Variants in CSMD2 observed in about 807,000 individuals in gnomAD.
CSMD2 encodes CUB and sushi domain-containing protein 2.
In CSMD2, 130 loss-of-function variants were observed where a neutral mutation model predicts 398.5. The ratio of observed to expected loss-of-function variants is 0.33; its 90% CI spans 0.28 to 0.38. The LOEUF (loss-of-function observed/expected upper bound fraction) is 0.38. CSMD2 is among the 10% of genes least tolerant of loss of function. The probability of loss-of-function intolerance (pLI) is 1.00; values close to 1 mark genes in which losing one functional copy is unlikely to be tolerated. For synonymous variants in CSMD2, 1,828 were observed against 1,908.5 expected (o/e 0.96, Z 1.10); for missense variants, 3,829 against 4,764.9 (o/e 0.80, Z 5.78).
intron 1 of CSMD2, among the ~76,000 whole-genome samples, chr1:34,106,415 G>A (rs1660533166): frequency 6.6e-6 from 1 of 152,164 alleles, no homozygotes; most frequent in Non-Finnish European, 1.5e-5. Context: ...TACAGGTAAA[G>A]AAACTAAGGC....
intron 6 of CSMD2, among the ~76,000 whole-genome samples, chr1:33,836,257 G>A (rs1258306958): frequency 4.6e-5 from 7 of 152,202 alleles, no homozygotes; most frequent in African/African-American, 9.7e-5. Context: ...GCTGTGTGAG[G>A]TGTCAGTCTG....
chr1:33,804,943 G>A (rs1656051607), intron 10 of CSMD2: 1 of 714,942 alleles, frequency 1.4e-6, no homozygotes, highest in Non-Finnish European at 2.6e-6. Flanking sequence ...GGCTCCCTCA[G>A]CACTACCTGA....
chr1:34,071,702 G>T (rs1440339283), intron 2 of CSMD2, among the ~76,000 whole-genome samples: 6 of 152,192 alleles, frequency 3.9e-5, no homozygotes, highest in Non-Finnish European at 5.9e-5. Context: ...CTACACTGTG[G>T]AAAAGGAGCA....
chr1:33,533,375 C>T lies in CSMD2; in HGVS notation c.9992-146G>A. 1 of 730,920 alleles carries T rather than the reference C, an allele frequency of 1.4e-6. No individual in the cohort carries two copies. Among genetic ancestry groups the T allele is most frequent in the South Asian group, 1.8e-5 (1 of 56,118 alleles). 45.3% of individuals were successfully genotyped at this position (730,920 alleles called of 1,614,324 possible). ...CCAAGCATCCCCCTCCCTAATCCTC[C>T]ACCCTAACCCAAGCTCTGTGTCTAG... On this transcript the variant is annotated intron_variant, in intron 63 of 70. Coordinates refer to ENST00000373381, the MANE Select transcript of CSMD2 (RefSeq NM_001281956.2). The surrounding 1 kb of genome is among the most constrained non-coding windows in gnomAD (Gnocchi z 4.2).
rs565584983 is a variant in CSMD2, at chr1:33,993,326, T to C, written c.517+39268A>G. 2.2e-4 allele frequency among the ~76,000 whole-genome samples: 33 copies of C among 152,342 alleles called. No individual in the cohort carries two copies. In the South Asian group the frequency reaches 2.5e-3, roughly 11 times the overall value. ...ACATTTATTTTTATTATTTAAAAAC[T>C]TGGTTTACAGAACCACAACAGGTCA... On this transcript the variant is annotated intron_variant, in intron 3 of 70. Coordinates refer to ENST00000373381, the MANE Select transcript of CSMD2 (RefSeq NM_001281956.2).
At chr1:34,107,905 T>C (rs903974413) in intron 1 of CSMD2, among the ~76,000 whole-genome samples, 1 of 152,148 alleles carries the variant, frequency 6.6e-6, no homozygotes, top group African/African-American at 2.4e-5. Flanking sequence ...ACTCGGGAAA[T>C]AGGAGTGAAT....
At chr1:33,627,289 CA>C (rs1231195491) in intron 32 of CSMD2, among the ~76,000 whole-genome samples, 2 of 152,114 alleles carry the variant, frequency 1.3e-5, no homozygotes, top group African/African-American at 4.8e-5. Flanking sequence ...TAGCAGAAGA[CA>C]AAGGTATATC....
chr1:33,907,943 T>C (rs1643204687), intron 5 of CSMD2, among the ~76,000 whole-genome samples: 1 of 151,874 alleles, frequency 6.6e-6, no homozygotes, highest in African/African-American at 2.4e-5. Context: ...AAAAATTAGC[T>C]GGGCATGGTG....
At chr1:33,556,509 A>G (rs1657989280) in intron 55 of CSMD2, among the ~76,000 whole-genome samples, 1 of 152,068 alleles carries the variant, frequency 6.6e-6, no homozygotes, top group Admixed American at 6.5e-5. Context: ...GTGCATCTTC[A>G]CCTTTGCTTC....
At chr1:33,609,685 A>C (rs1570932626) in intron 41 of CSMD2, among the ~76,000 whole-genome samples, 1 of 152,324 alleles carries the variant, frequency 6.6e-6, no homozygotes, top group East Asian at 1.9e-4. Flanking sequence ...ACTTTAAAAA[A>C]CAAAATTGGA....
chr1:33,957,264 T>A (rs1490328221), intron 3 of CSMD2, among the ~76,000 whole-genome samples: 1 of 152,188 alleles, frequency 6.6e-6, no homozygotes, highest in African/African-American at 2.4e-5. Flanking sequence ...ATAGACCCAG[T>A]ACCTGGCAGA....
At chr1:33,714,052 A>C (rs2149167836) in intron 21 of CSMD2, among the ~76,000 whole-genome samples, 1 of 152,300 alleles carries the variant, frequency 6.6e-6, no homozygotes, top group South Asian at 2.1e-4. Context: ...GGTCATCTAT[A>C]AATGACCCCG....
chr1:34,097,963 C>T (rs1269150927), intron 1 of CSMD2, among the ~76,000 whole-genome samples: 4 of 133,772 alleles, frequency 3.0e-5, no homozygotes, highest in South Asian at 2.6e-4. Flanking sequence ...CGCATGCACA[C>T]GTATGTTTAT....
chr1:33,635,418 G>T lies in CSMD2; in HGVS notation c.4970-88C>A. ...CTGTTCTGCCCCAGCCTGAGCTTCTGGCCCCAGTAGGGCTGCCCTGAGGTG... is the reference window on the plus strand; with the variant it reads ...CTGTTCTGCCCCAGCCTGAGCTTCTTGCCCCAGTAGGGCTGCCCTGAGGTG... On this transcript the variant is annotated intron_variant, in intron 30 of 70. Coordinates refer to ENST00000373381, the MANE Select transcript of CSMD2 (RefSeq NM_001281956.2). This position sits in a 1 kb window ranked among gnomAD's most constrained non-coding sequence, Gnocchi z 5.0. The T allele has an allele frequency of 1.3e-6, 1 of 786,154 alleles. No individual in the cohort carries two copies. Among genetic ancestry groups the T allele is most frequent in the East Asian group, 2.6e-5 (1 of 38,126 alleles). 48.7% of individuals were successfully genotyped at this position (786,154 alleles called of 1,614,324 possible).
chr1:33,528,069 A>G (rs10798962), intron 64 of CSMD2, among the ~76,000 whole-genome samples: 93,950 of 151,978 alleles, frequency 0.62, 29,298 homozygotes, highest in East Asian at 0.72. Flanking sequence ...GCAGAGGAGC[A>G]CCTTCCTCCC....
chr1:33,991,924 G>T (rs990452777), intron 3 of CSMD2, among the ~76,000 whole-genome samples: 1 of 151,558 alleles, frequency 6.6e-6, no homozygotes, highest in Non-Finnish European at 1.5e-5. Context: ...GATATGAACA[G>T]GTAATCCACT....
intron 2 of CSMD2, among the ~76,000 whole-genome samples, chr1:34,088,657 T>C (rs1023171412): frequency 1.3e-5 from 2 of 152,194 alleles, no homozygotes; most frequent in Non-Finnish European, 2.9e-5. Flanking sequence ...TATCTGTTGG[T>C]TCCAACTTAT....
intron 5 of CSMD2, among the ~76,000 whole-genome samples, chr1:33,905,135 G>A (rs1485518946): frequency 6.6e-6 from 1 of 152,110 alleles, no homozygotes; most frequent in Non-Finnish European, 1.5e-5. Context: ...CTGTTAATAT[G>A]CATGAAGCCC....
intron 29 of CSMD2, among the ~76,000 whole-genome samples, chr1:33,643,798 G>A (rs914737513): frequency 6.6e-6 from 1 of 152,034 alleles, no homozygotes; most frequent in Non-Finnish European, 1.5e-5. Flanking sequence ...GTAAGGTAGG[G>A]GTCCCTAGGT....
Sources: allele counts gnomAD v4.1 joint callset (sites outside exome capture counted in the v4.1 genomes callset), GRCh38; gene constraint gnomAD v4.1.1; non-coding constraint Gnocchi (gnomAD v3.1); transcripts MANE v1.5; gene names NCBI Gene and HGNC (gene_info 2026-07-23, HGNC 2026-07-21).